Variants in NTNG1 observed in about 807,000 individuals in gnomAD.
NTNG1 encodes the protein netrin G1, also known as netrin-G1.
A neutral mutation model predicts 54.0 loss-of-function variants in NTNG1; 16 were observed. The ratio of observed to expected loss-of-function variants is 0.30; its 90% CI spans 0.20 to 0.45. The LOEUF (loss-of-function observed/expected upper bound fraction) is 0.45, where lower values mean the gene tolerates loss of function less well. Among genes scored for constraint, NTNG1 ranks in the 20% least tolerant of loss-of-function variants. NTNG1 has a pLI of 1.00. For missense variants in NTNG1, 530 were observed against 678.7 expected (o/e 0.78, Z 2.43); for synonymous variants, 255 against 263.1 (o/e 0.97, Z 0.30).
intron 7 of NTNG1, among the ~76,000 whole-genome samples, chr1:107,471,497 G>T (rs1677979298): frequency 6.6e-6 from 1 of 152,292 alleles, no homozygotes; most frequent in South Asian, 2.1e-4. Context: ...AGCAGTAGAT[G>T]CAGGTTGAGG....
At chr1:107,282,314 A>T (rs1016353301) in intron 2 of NTNG1, among the ~76,000 whole-genome samples, 1 of 152,108 alleles carries the variant, frequency 6.6e-6, no homozygotes, top group South Asian at 2.1e-4. Flanking sequence ...ACGAACCTTC[A>T]TCCTGAGACT....
At chr1:107,299,183 C>T (rs1315251830) in intron 2 of NTNG1, among the ~76,000 whole-genome samples, 2 of 152,098 alleles carry the variant, frequency 1.3e-5, no homozygotes, top group African/African-American at 4.8e-5. Context: ...CTGAGATGGA[C>T]ATGTGGACAA....
At chr1:107,464,767 T>C (rs1677498127) in intron 7 of NTNG1, among the ~76,000 whole-genome samples, 1 of 152,172 alleles carries the variant, frequency 6.6e-6, no homozygotes, top group South Asian at 2.1e-4. Context: ...CTCCTGCACC[T>C]TTTTATGGGA....
chr1:107,436,787 T>C lies in NTNG1; in HGVS notation c.1378T>C (p.Tyr460His). ...DECLPGNSWHYGCQPNVCDNE... is the reference protein window; with the variant it reads ...DECLPGNSWHHGCQPNVCDNE... ...GTGTCTGCCGGGAAATTCCTGGCAC[T>C]ACGGCTGTCAACGTAAGTAACTCTG... Residue 460 changes from tyrosine (Y) to histidine (H), a missense_variant, in exon 7 of 8, where the codon TAC (tyrosine) becomes CAC (histidine). Coordinates refer to ENST00000370068, the MANE Select transcript of NTNG1 (RefSeq NM_001113226.3). 1 of 1,613,366 alleles carries C rather than the reference T, an allele frequency of 6.2e-7. No homozygotes were observed. The highest frequency in any genetic ancestry group is 8.5e-7 in the Non-Finnish European group (1 of 1,179,522).
chr1:107,141,864 A>G (rs1283348072), intron 1 of NTNG1, among the ~76,000 whole-genome samples: 2 of 152,180 alleles, frequency 1.3e-5, no homozygotes, highest in East Asian at 1.9e-4. Flanking sequence ...TCTTTCGCCA[A>G]TTATATTTGT....
intron 4 of NTNG1, among the ~76,000 whole-genome samples, chr1:107,404,403 A>C (rs1348029378): frequency 6.6e-6 from 1 of 152,146 alleles, no homozygotes; most frequent in Non-Finnish European, 1.5e-5. Context: ...TGTTATAAGA[A>C]TGTTGCATGT....
At chr1:107,140,474 T>C (rs1481714527), upstream of NTNG1, among the ~76,000 whole-genome samples, 1 of 151,750 alleles carries the variant, frequency 6.6e-6, no homozygotes, top group East Asian at 2.0e-4. Context: ...TCGTGGGCCA[T>C]GTATATTTCA....
chr1:107,267,291 A>G (rs1663813004), intron 2 of NTNG1, among the ~76,000 whole-genome samples: 1 of 152,200 alleles, frequency 6.6e-6, no homozygotes, highest in Admixed American at 6.5e-5. Context: ...AATGTTGACC[A>G]TTATTCAAGG....
rs1303575831 is a variant in NTNG1, at chr1:107,482,023, A to G, written c.*1183A>G. On this transcript the variant is annotated 3_prime_UTR_variant, in exon 8 of 8. Transcript: ENST00000370068. ...GCTTGGACAACTTCTGCAAAATATGAGACTATTTCCACTTGGGAAAAATTA... is the reference window on the plus strand; with the variant it reads ...GCTTGGACAACTTCTGCAAAATATGGGACTATTTCCACTTGGGAAAAATTA... 4 of 142,582 alleles carry G rather than the reference A, an allele frequency of 2.8e-5. No individual in the cohort carries two copies. The highest frequency in any genetic ancestry group is 4.5e-5 in the Non-Finnish European group (3 of 66,108). 8.8% of individuals were successfully genotyped at this position (142,582 alleles called of 1,614,324 possible).
At position 107,324,301 on chromosome 1, in the gene NTNG1, A is replaced by G; in HGVS notation, c.266A>G (p.Asn89Ser). The change falls in exon 3 of 8, where the codon AAT becomes AGT. Residue 89 changes from asparagine (N) to serine (S), a missense_variant. Around this residue, in one of 2 missense-constraint regions of NTNG1, gnomAD observed 318 missense variants for 465.1 expected, o/e 0.68. Transcript: ENST00000370068. Reference protein sequence around the residue: ...FCAMGNPYMCNNECDASTPEL... With the variant: ...FCAMGNPYMCSNECDASTPEL... ...CCATAGGGCAATCCCTACATGTGCA[A>G]TAATGAGTGTGATGCGAGTACCCCT... The G allele has an allele frequency of 2.5e-6, 4 of 1,613,554 alleles. No individual in the cohort carries two copies. The highest frequency in any genetic ancestry group is 3.4e-6 in the Non-Finnish European group (4 of 1,179,664).
At chr1:107,229,747 T>C (rs1157440517) in intron 2 of NTNG1, among the ~76,000 whole-genome samples, 1 of 152,006 alleles carries the variant, frequency 6.6e-6, no homozygotes, top group Non-Finnish European at 1.5e-5. Flanking sequence ...TTTAAAAATA[T>C]TATTTTTAGC....
chr1:107,302,726 G>A (rs890527379), intron 2 of NTNG1, among the ~76,000 whole-genome samples: 5 of 151,778 alleles, frequency 3.3e-5, no homozygotes, highest in African/African-American at 1.2e-4. Context: ...CCTTTTTTAT[G>A]ACATCAACAT....
At chr1:107,178,234 C>A (rs1656791438) in intron 2 of NTNG1, among the ~76,000 whole-genome samples, 1 of 152,034 alleles carries the variant, frequency 6.6e-6, no homozygotes, top group African/African-American at 2.4e-5. Context: ...TGCATAGGTC[C>A]AAAGTCATGA....
intron 6 of NTNG1, among the ~76,000 whole-genome samples, chr1:107,435,651 G>A (rs576641907): frequency 2.6e-5 from 4 of 152,154 alleles, no homozygotes; most frequent in Admixed American, 2.6e-4. Flanking sequence ...AAATTTTCAA[G>A]ACTTCTCTTG....
chr1:107,348,523 C>T (rs993032506), intron 3 of NTNG1, among the ~76,000 whole-genome samples: 7 of 152,280 alleles, frequency 4.6e-5, no homozygotes, highest in Middle Eastern at 3.4e-3. Flanking sequence ...CAAGGGCTGT[C>T]CACTGTTGTG....
intron 2 of NTNG1, among the ~76,000 whole-genome samples, chr1:107,214,854 G>T (rs2101412376): frequency 6.7e-6 from 1 of 150,300 alleles, no homozygotes; most frequent in East Asian, 2.0e-4. Flanking sequence ...ATCACATTGT[G>T]GTTTGATTTA....
rs1654288184 is a variant in NTNG1, at chr1:107,148,318, C to T, written c.-276C>T. On this transcript the variant is annotated 5_prime_UTR_variant, in exon 2 of 8. An upstream open reading frame in the 5' UTR gains an earlier in-frame stop. Coordinates refer to ENST00000370068, the MANE Select transcript of NTNG1 (RefSeq NM_001113226.3). The stretch of plus-strand genomic sequence containing the variant: ...TGAGTCTAATAGATATGTTCTAAGA[C>T]AAAGAAAAAGCTGCAAGTTGTTAAC... 2.7e-6 allele frequency: 1 copy of T among 371,200 alleles called. No individual in the cohort carries two copies. The highest frequency in any genetic ancestry group is 2.1e-5 in the African/African-American group (1 of 48,422). 23.0% of individuals were successfully genotyped at this position (371,200 alleles called of 1,614,324 possible).
At position 107,204,803 on chromosome 1, in the gene NTNG1, G is replaced by A. The variant is rs547205137; in HGVS notation, c.246+55964G>A. ...TTCCCTGCCTCCTACCCGCACCCCTGCAATCTCTGTACATACCCTTCTTGA... is the reference window on the plus strand; with the variant it reads ...TTCCCTGCCTCCTACCCGCACCCCTACAATCTCTGTACATACCCTTCTTGA... On this transcript the variant is annotated intron_variant, in intron 2 of 7. Coordinates refer to ENST00000370068, the MANE Select transcript of NTNG1 (RefSeq NM_001113226.3). Among the ~76,000 whole-genome samples the A allele has an allele frequency of 2.0e-5, 3 of 152,192 alleles. No homozygotes were observed. In the South Asian group the frequency reaches 6.2e-4, roughly 32 times the overall value.
chr1:107,178,965 A>G (rs1413709950), intron 2 of NTNG1, among the ~76,000 whole-genome samples: 1 of 152,134 alleles, frequency 6.6e-6, no homozygotes, highest in Non-Finnish European at 1.5e-5. Context: ...CGCTGCTTGG[A>G]CATAGCATAT....
Sources: allele counts gnomAD v4.1 joint callset (sites outside exome capture counted in the v4.1 genomes callset), GRCh38; gene constraint gnomAD v4.1.1; regional missense constraint gnomAD v4.1.1; transcripts MANE v1.5; gene names NCBI Gene and HGNC (gene_info 2026-07-23, HGNC 2026-07-21).